EPHB1: variants seen among roughly 807,000 people sequenced by gnomAD.
EPHB1 encodes the protein EPH receptor B1.
A neutral mutation model predicts 94.4 loss-of-function variants in EPHB1; 30 were observed. The observed-to-expected ratio is 0.32, with a 90% CI of 0.24 to 0.43. The LOEUF is 0.43. Ranked by LOEUF, EPHB1 falls within the 20% of genes least tolerant of loss-of-function variation. EPHB1 has a pLI of 1.00. For synonymous variants in EPHB1, 522 were observed against 489.1 expected (o/e 1.07, Z -0.89); for missense variants, 1,055 against 1,308.3 (o/e 0.81, Z 2.99).
At chr3:135,196,875 G>A (rs1266298458) in intron 11 of EPHB1, among the ~76,000 whole-genome samples, 2 of 152,060 alleles carry the variant, frequency 1.3e-5, no homozygotes, top group African/African-American at 2.4e-5. Context: ...TTGTGCCATG[G>A]ATTATATAGC....
At chr3:135,054,428 T>G (rs1286159436) in intron 3 of EPHB1, among the ~76,000 whole-genome samples, 4 of 152,160 alleles carry the variant, frequency 2.6e-5, no homozygotes, top group Non-Finnish European at 5.9e-5. Context: ...TATATCAAAG[T>G]TCAGAGAACT....
chr3:135,028,699 C>A (rs1237086266), intron 3 of EPHB1, among the ~76,000 whole-genome samples: 1 of 110,102 alleles, frequency 9.1e-6, no homozygotes, highest in Admixed American at 1.0e-4. Flanking sequence ...AATGTATATT[C>A]TGTTGATTTG....
chr3:134,882,799 T>TTTCTTTCTTTCTTTCTTTCTTTCC (rs1560280676), intron 1 of EPHB1, among the ~76,000 whole-genome samples: 5 of 73,012 alleles, frequency 6.8e-5, no homozygotes, highest in Non-Finnish European at 1.5e-4. Context: ...TCTTTCTTTC[T>TTTCTTTCTTTCTTTCTTTCTTTCC]TTCTTTCTTT....
intron 12 of EPHB1, among the ~76,000 whole-genome samples, chr3:135,217,476 GGA>G (rs141040790): frequency 2.1e-4 from 31 of 146,588 alleles, no homozygotes; most frequent in African/African-American, 3.5e-4. Context: ...ACGCACACGG[GGA>G]GAGAGAGAGA....
chr3:134,808,220 C>A (rs2036105971), intron 1 of EPHB1, among the ~76,000 whole-genome samples: 1 of 152,220 alleles, frequency 6.6e-6, no homozygotes, highest in Non-Finnish European at 1.5e-5. Flanking sequence ...GAAACTTCAG[C>A]AGAAACATAA....
chr3:134,803,013 C>T (rs757925533), intron 1 of EPHB1, among the ~76,000 whole-genome samples: 1 of 152,164 alleles, frequency 6.6e-6, no homozygotes, highest in African/African-American at 2.4e-5. Flanking sequence ...ATCACCAGTA[C>T]AGTTGTTTCT....
chr3:135,235,414 G>A (rs1179667296), intron 12 of EPHB1, among the ~76,000 whole-genome samples: 3 of 152,090 alleles, frequency 2.0e-5, no homozygotes, highest in Non-Finnish European at 4.4e-5. Context: ...TAAAGTCTGG[G>A]TTAGAACCAG....
At chr3:135,194,704 G>A (rs1942550247) in intron 11 of EPHB1, among the ~76,000 whole-genome samples, 1 of 152,116 alleles carries the variant, frequency 6.6e-6, no homozygotes, top group African/African-American at 2.4e-5. Flanking sequence ...AGGAAGTAGT[G>A]GCTTTTGTTT....
rs72971699 is a variant in EPHB1, at chr3:134,937,105, T to G, written c.123+11225T>G. ...AGGGGACATTGGAAAAATTAGAGTG[T>G]GTCTATTGGGGTTAACCAGGGACCT... is the stretch of plus-strand genomic sequence containing the variant. On this transcript the variant is annotated intron_variant, in intron 2 of 15. Coordinates refer to ENST00000398015, the MANE Select transcript of EPHB1 (RefSeq NM_004441.5). Among the ~76,000 whole-genome samples, 1,017 of 152,294 alleles carry G rather than the reference T, an allele frequency of 6.7e-3. 9 individuals are homozygous for G. The highest frequency in any genetic ancestry group is 0.022 in the African/African-American group (919 of 41,546).
At chr3:134,977,470 A>C (rs1209025592) in intron 3 of EPHB1, among the ~76,000 whole-genome samples, 3 of 152,188 alleles carry the variant, frequency 2.0e-5, no homozygotes, top group East Asian at 3.8e-4. Flanking sequence ...AAGACCAAGA[A>C]TGTATCTGGC....
At chr3:135,190,914 CA>C (rs1426997471) in intron 10 of EPHB1, among the ~76,000 whole-genome samples, 1 of 152,166 alleles carries the variant, frequency 6.6e-6, no homozygotes, top group Non-Finnish European at 1.5e-5. Flanking sequence ...TGACCTCCAG[CA>C]GTTCACCAAA....
chr3:135,030,559 C>G (rs919368446), intron 3 of EPHB1, among the ~76,000 whole-genome samples: 18 of 152,330 alleles, frequency 1.2e-4, no homozygotes, highest in African/African-American at 4.1e-4. Context: ...CAGGGACCCA[C>G]TTGAGGAGGC....
intron 5 of EPHB1, among the ~76,000 whole-genome samples, chr3:135,137,807 A>AT (rs138875816): frequency 3.0e-4 from 46 of 152,222 alleles, no homozygotes; most frequent in Admixed American, 2.0e-3. Flanking sequence ...AATTTGCCGT[A>AT]TTTTTTCTCC....
chr3:134,839,432 T>C (rs956290757), intron 1 of EPHB1, among the ~76,000 whole-genome samples: 1 of 152,156 alleles, frequency 6.6e-6, no homozygotes, highest in Admixed American at 6.5e-5. Context: ...TGCTGTGAGA[T>C]GGTCATGGAA....
At chr3:134,891,298 C>A in intron 1 of EPHB1, among the ~76,000 whole-genome samples, 1 of 152,060 alleles carries the variant, frequency 6.6e-6, no homozygotes, top group Non-Finnish European at 1.5e-5. Flanking sequence ...TTTGTAGAGA[C>A]AGGGTTTCAC....
In EPHB1 at chr3:135,042,151, C is replaced by T. The variant is rs151215781; in HGVS notation, c.806-64297C>T. ...TTTGCCATATTGCCCAGGCTGGACT[C>T]GAACTCTTGGACTCAAATGATCCAA... On this transcript the variant is annotated intron_variant, in intron 3 of 15. Coordinates refer to ENST00000398015, the MANE Select transcript of EPHB1 (RefSeq NM_004441.5). 8.1e-3 allele frequency among the ~76,000 whole-genome samples: 1,236 copies of T among 152,214 alleles called. 14 individuals are homozygous for T. The highest frequency in any genetic ancestry group is 0.027 in the African/African-American group (1,112 of 41,514).
At chr3:135,134,538 G>A (rs944833196) in intron 5 of EPHB1, among the ~76,000 whole-genome samples, 3 of 152,166 alleles carry the variant, frequency 2.0e-5, no homozygotes, top group Non-Finnish European at 2.9e-5. Context: ...GTATGGTCAC[G>A]TGTTTACATG....
chr3:134,925,020 A>G (rs2038761752), intron 1 of EPHB1, among the ~76,000 whole-genome samples: 1 of 152,240 alleles, frequency 6.6e-6, no homozygotes, highest in South Asian at 2.1e-4. Context: ...TGGTGTACAT[A>G]TATATCAAAA....
intron 1 of EPHB1, among the ~76,000 whole-genome samples, chr3:134,819,458 A>G (rs1441739705): frequency 1.3e-5 from 2 of 152,198 alleles, no homozygotes; most frequent in Non-Finnish European, 2.9e-5. Flanking sequence ...AAGCCTTGGA[A>G]GTAGCTCCTC....
Sources: allele counts gnomAD v4.1 joint callset (sites outside exome capture counted in the v4.1 genomes callset), GRCh38; gene constraint gnomAD v4.1.1; transcripts MANE v1.5; gene names NCBI Gene and HGNC (gene_info 2026-07-23, HGNC 2026-07-21).